Variants in ATP1A3 observed in about 807,000 individuals in gnomAD.
The protein encoded by ATP1A3 is ATPase Na+/K+ transporting subunit alpha 3.
Under a neutral mutation model 108.8 loss-of-function variants are expected in ATP1A3, and 12 were observed. The observed-to-expected ratio is 0.11, with a 90% CI of 0.07 to 0.18. The LOEUF (loss-of-function observed/expected upper bound fraction) is 0.18. Ranked by LOEUF, ATP1A3 falls within the 10% of genes least tolerant of loss-of-function variation. The probability of loss-of-function intolerance (pLI) is 1.00; values close to 1 mark genes in which losing one functional copy is unlikely to be tolerated. For synonymous variants in ATP1A3, 539 were observed against 564.5 expected (o/e 0.95, Z 0.64); for missense variants, 498 against 1,387.7 (o/e 0.36, Z 10.19).
intron 16 of ATP1A3, 75 bp from the exon 17 acceptor site, chr19:41,970,617 T>G: frequency 3.2e-6 from 3 of 938,134 alleles, no homozygotes; most frequent in Non-Finnish European, 3.2e-6. Context: ...TCTGCCCTCA[T>G]CCAACGTCCT....
In ATP1A3 at chr19:41,988,053, G is replaced by A. The variant is rs782618005; in HGVS notation, c.240C>T (p.Val80=). The A allele has an allele frequency of 1.9e-6, 3 of 1,614,170 alleles. No individual in the cohort carries two copies. The South Asian group carries it at 3.3e-5, about 18-fold the overall frequency. The change falls in exon 4 of 23, where the codon GTC becomes GTT. Residue 80 remains valine (V), a synonymous_variant. Transcript: ENST00000648268. The surrounding 1 kb of genome is among the most constrained non-coding windows in gnomAD (Gnocchi z 5.3). ...CCCCGAAGAGCTGCCGGCAAAACTT[G>A]ACCCACTCTGGGGTGGTAGGCGGTG... The part of the protein sequence containing the change: ...LTPPPTTPEW[V]KFCRQLFGGF...
In ATP1A3 at chr19:41,968,926, G is replaced by C. The variant is rs782509039; in HGVS notation, c.2689-11C>G. 6.2e-7 allele frequency: 1 copy of C among 1,613,588 alleles called. No individual in the cohort carries two copies. Among genetic ancestry groups the C allele is most frequent in the Non-Finnish European group, 8.5e-7 (1 of 1,179,646 alleles). On this transcript the variant is annotated splice_polypyrimidine_tract_variant and intron_variant, in intron 19 of 22. Coordinates refer to ENST00000648268, the MANE Select transcript of ATP1A3 (RefSeq NM_152296.5). The surrounding 1 kb of genome is among the most constrained non-coding windows in gnomAD (Gnocchi z 5.0). ...CCTCTGCTCGTATGTCTGCAGGAGC[G>C]GTGACCAGGGCACGGGACGTCAGTT...
Position 41,981,861 on chromosome 19 carries a change from C to T in ATP1A3, c.1193-30G>A, listed in dbSNP as rs539325201. On this transcript the variant is annotated intron_variant, in intron 9 of 22. Coordinates refer to ENST00000648268, the MANE Select transcript of ATP1A3 (RefSeq NM_152296.5). The surrounding 1 kb of genome is among the most constrained non-coding windows in gnomAD (Gnocchi z 5.0). Reference sequence around the variant, plus strand: ...GGGAGGCATGTGTGAGGGCCAGGGACTCCTGGAGCCAGGCCCCCATGGTCC... The same window carrying T: ...GGGAGGCATGTGTGAGGGCCAGGGATTCCTGGAGCCAGGCCCCCATGGTCC... 9 of 1,614,228 alleles carry T rather than the reference C, an allele frequency of 5.6e-6. No individual in the cohort carries two copies. In the South Asian group the frequency reaches 8.8e-5, roughly 16 times the overall value.
At chr19:41,970,922 G>T (rs35845187) in intron 16 of ATP1A3, among the ~76,000 whole-genome samples, 5 of 149,038 alleles carry the variant, frequency 3.4e-5, no homozygotes, top group Non-Finnish European at 5.9e-5. Context: ...GTGAGCCACC[G>T]CGCCCGGCCT....
chr19:41,994,214 C>A lies in ATP1A3; in HGVS notation c.-138G>T. The A allele has an allele frequency of 1.3e-6, 1 of 796,352 alleles. No individual in the cohort carries two copies. The highest frequency in any genetic ancestry group is 2.3e-5 in the South Asian group (1 of 44,236). The allele number at this position is 796,352 out of a possible 1,614,324, so 49.3% of individuals were successfully genotyped here. Reference sequence around the variant, plus strand: ...CGCGTCCGTCCGTCCGTCCGTTGGTCCCACCGCACAGAGGCTGCGGCGGCC... The same window carrying A: ...CGCGTCCGTCCGTCCGTCCGTTGGTACCACCGCACAGAGGCTGCGGCGGCC... On this transcript the variant is annotated 5_prime_UTR_variant, in exon 1 of 23. Coordinates refer to ENST00000648268, the MANE Select transcript of ATP1A3 (RefSeq NM_152296.5).
rs782235450 is a variant in ATP1A3 at position 41,968,940 on chromosome 19, G to A, written c.2689-25C>T. On this transcript the variant is annotated intron_variant, in intron 19 of 22. Transcript: ENST00000648268. This position sits in a 1 kb window ranked among gnomAD's most constrained non-coding sequence, Gnocchi z 5.0. ...TCTGCAGGAGCGGTGACCAGGGCAC[G>A]GGACGTCAGTTAGTGGCACTGCAGC... The A allele has an allele frequency of 6.8e-6, 11 of 1,613,298 alleles. No individual in the cohort carries two copies. Among genetic ancestry groups the A allele is most frequent in the East Asian group, 2.2e-5 (1 of 44,852 alleles).
In ATP1A3 at chr19:41,981,485, C is replaced by T. The variant is rs371469761; in HGVS notation, c.1437+17G>A. 86 of 1,614,026 alleles carry T rather than the reference C, an allele frequency of 5.3e-5. No homozygotes were observed. The highest frequency in any genetic ancestry group is 6.8e-5 in the Non-Finnish European group (80 of 1,180,036). ...AACCTGAGGTCCAGGCTGGCTCTCC[C>T]GGAAAGCCCAGAGTACCTGGTATTT... On this transcript the variant is annotated intron_variant, in intron 11 of 22. Transcript: ENST00000648268. The surrounding 1 kb of genome is among the most constrained non-coding windows in gnomAD (Gnocchi z 5.0).
At chr19:41,994,045 C>T in intron 1 of ATP1A3, 26 bp downstream of exon 1, 1 of 1,609,370 alleles carries the variant, frequency 6.2e-7, no homozygotes, top group African/African-American at 1.3e-5. Context: ...CACACGGAAG[C>T]GGCGCCCAGC....
Position 41,985,800 on chromosome 19 carries a change from G to A in ATP1A3, c.606+64C>T, listed in dbSNP as rs1555865210. ...GGACTCCTGAGTGTGAGGGAGGAGGGGCTGGGCCTGAGCTCCTGGGCAGCC... is the reference window on the plus strand; with the variant it reads ...GGACTCCTGAGTGTGAGGGAGGAGGAGCTGGGCCTGAGCTCCTGGGCAGCC... On this transcript the variant is annotated intron_variant, in intron 6 of 22. Transcript: ENST00000648268. This position sits in a 1 kb window ranked among gnomAD's most constrained non-coding sequence, Gnocchi z 8.2. The A allele has an allele frequency of 6.9e-6, 11 of 1,602,112 alleles. No individual in the cohort carries two copies. Among genetic ancestry groups the A allele is most frequent in the African/African-American group, 1.3e-5 (1 of 74,728 alleles).
intron 19 of ATP1A3, among the ~76,000 whole-genome samples, 173 bp downstream of exon 19, chr19:41,969,262 G>A (rs1393537442): frequency 3.9e-5 from 6 of 152,162 alleles, no homozygotes; most frequent in African/African-American, 1.4e-4. Context: ...GGGACACAAG[G>A]CTCCAGATGG....
At position 41,967,628 on chromosome 19, in the gene ATP1A3, G is replaced by C. The variant is rs782757508; in HGVS notation, c.2921+34C>G. 8 of 1,605,486 alleles carry C rather than the reference G, an allele frequency of 5.0e-6. No homozygotes were observed. In the African/African-American group the frequency reaches 9.4e-5, roughly 19 times the overall value. ...AGGGAAGGCTCCATGGCAGGCGCTG[G>C]TGTGGGCAGGGCTGGGGGCAGCGGG... is the stretch of plus-strand genomic sequence containing the variant. On this transcript the variant is annotated intron_variant, in intron 21 of 22. Coordinates refer to ENST00000648268, the MANE Select transcript of ATP1A3 (RefSeq NM_152296.5). This position sits in a 1 kb window ranked among gnomAD's most constrained non-coding sequence, Gnocchi z 4.2.
chr19:41,978,824 G>A lies in ATP1A3; in HGVS notation c.1438-26C>T, dbSNP rs782181599. 69 of 1,612,152 alleles carry A rather than the reference G, an allele frequency of 4.3e-5. No individual in the cohort carries two copies. Among genetic ancestry groups the A allele is most frequent in the Non-Finnish European group, 5.9e-5 (69 of 1,178,842 alleles). Reference sequence around the variant, plus strand: ...CTGGGGACCGATCAGAGGGTGGCGTGCCTGAGCCACGCAGACACCAGGAAG... The same window carrying A: ...CTGGGGACCGATCAGAGGGTGGCGTACCTGAGCCACGCAGACACCAGGAAG... On this transcript the variant is annotated intron_variant, in intron 11 of 22. Transcript: ENST00000648268. This position sits in a 1 kb window ranked among gnomAD's most constrained non-coding sequence, Gnocchi z 8.3.
chr19:41,982,155 A>G, intron 8 of ATP1A3, 49 bp from the exon 9 acceptor site: 1 of 1,613,150 alleles, frequency 6.2e-7, no homozygotes, highest in Non-Finnish European at 8.5e-7. Context: ...GCCCGGCAGC[A>G]GGGTTGGATG....
At chr19:41,979,795 C>T (rs1555862715) in intron 11 of ATP1A3, among the ~76,000 whole-genome samples, 3 of 152,236 alleles carry the variant, frequency 2.0e-5, no homozygotes, top group Admixed American at 6.5e-5. Flanking sequence ...CCTATATCTG[C>T]GAATATACTA....
chr19:41,981,696 G>A lies in ATP1A3; in HGVS notation c.1302+26C>T, dbSNP rs773329251. ...CTGAGGGGAGGACACAGGCAGGGCCGAGGTGAGGCCAGTAGCTGAACCCAC... is the reference window on the plus strand; with the variant it reads ...CTGAGGGGAGGACACAGGCAGGGCCAAGGTGAGGCCAGTAGCTGAACCCAC... On this transcript the variant is annotated intron_variant, in intron 10 of 22. Coordinates refer to ENST00000648268, the MANE Select transcript of ATP1A3 (RefSeq NM_152296.5). This position sits in a 1 kb window ranked among gnomAD's most constrained non-coding sequence, Gnocchi z 5.0. 82 of 1,614,062 alleles carry A rather than the reference G, an allele frequency of 5.1e-5. No individual in the cohort carries two copies. Among genetic ancestry groups the A allele is most frequent in the South Asian group, 9.9e-5 (9 of 91,088 alleles).
rs2075055691 is a variant in ATP1A3, at chr19:41,967,453, G to A, written c.2922-113C>T. On this transcript the variant is annotated intron_variant, in intron 21 of 22. Coordinates refer to ENST00000648268, the MANE Select transcript of ATP1A3 (RefSeq NM_152296.5). This position sits in a 1 kb window ranked among gnomAD's most constrained non-coding sequence, Gnocchi z 4.2. ...TCTCCCAGGATCCTTCGTGCTCACAGGTGGAGGGTGCCCTGGGCGGGGCTG... is the reference window on the plus strand; with the variant it reads ...TCTCCCAGGATCCTTCGTGCTCACAAGTGGAGGGTGCCCTGGGCGGGGCTG... 7.5e-7 allele frequency: 1 copy of A among 1,329,772 alleles called. No individual in the cohort carries two copies. The highest frequency in any genetic ancestry group is 1.5e-5 in the African/African-American group (1 of 68,756). 82.4% of individuals were successfully genotyped at this position (1,329,772 alleles called of 1,614,324 possible).
intron 18 of ATP1A3, 139 bp downstream of exon 18, chr19:41,970,046 C>A (rs1406394378): frequency 7.8e-6 from 11 of 1,411,010 alleles, no homozygotes; most frequent in East Asian, 2.3e-5. Flanking sequence ...CAGACCCCCC[C>A]CACAGATAGC....
chr19:41,982,818 C>T (rs959343194), intron 8 of ATP1A3, among the ~76,000 whole-genome samples: 4 of 152,130 alleles, frequency 2.6e-5, no homozygotes, highest in South Asian at 4.1e-4. Flanking sequence ...TGAATTATTC[C>T]GTTAATAGGA....
Position 41,985,418 on chromosome 19 carries a change from G to A in ATP1A3, c.612C>T (p.Asp204=), listed in dbSNP as rs2145978813. The A allele has an allele frequency of 6.2e-7, 1 of 1,613,996 alleles. No homozygotes were observed. The highest frequency in any genetic ancestry group is 8.5e-7 in the Non-Finnish European group (1 of 1,179,844). The change falls in exon 7 of 23, where the codon GAC becomes GAT. Residue 204 remains aspartate, a synonymous_variant. Transcript: ENST00000648268. The surrounding 1 kb of genome is among the most constrained non-coding windows in gnomAD (Gnocchi z 8.2). ...RIISAHGCKV[D]NSSLTGESEP... ...CGGATTCGCCAGTCAGGGAGGAGTT[G>A]TCCACCTGGGGGTAGGTGCAGCAGA...
Sources: gnomAD v4.1 joint callset for allele counts (sites outside exome capture counted in the v4.1 genomes callset) on GRCh38, gnomAD v4.1.1 for gene constraint, Gnocchi (gnomAD v3.1) non-coding constraint, MANE v1.5 for transcripts, NCBI Gene and HGNC (gene_info 2026-07-23, HGNC 2026-07-21) for gene names.